The following EYS variants were observed in gnomAD, a reference collection of about 807,000 sequenced individuals.
The protein encoded by EYS is EGF-like photoreceptor maintenance factor.
In EYS, 250 loss-of-function variants were observed where a neutral mutation model predicts 282.1. The ratio of observed to expected loss-of-function variants is 0.89; its 90% CI spans 0.80 to 0.98. The LOEUF (loss-of-function observed/expected upper bound fraction) is 0.98, where lower values mean the gene tolerates loss of function less well. Ranked by LOEUF, EYS falls within the 50% of genes least tolerant of loss-of-function variation. EYS has a pLI of 0.00. For synonymous variants in EYS, 1,355 were observed against 1,282.9 expected (o/e 1.06, Z -1.20); for missense variants, 4,016 against 3,709.0 (o/e 1.08, Z -2.15).
At chr6:64,001,135 T>A (rs991756897) in intron 33 of EYS, among the ~76,000 whole-genome samples, 1 of 152,220 alleles carries the variant, frequency 6.6e-6, no homozygotes, top group Admixed American at 6.5e-5. Context: ...GGCTGAGTGA[T>A]CTTAGGCAAA....
chr6:65,586,972 T>C (rs1765071822), intron 2 of EYS, among the ~76,000 whole-genome samples: 1 of 152,074 alleles, frequency 6.6e-6, no homozygotes, highest in Non-Finnish European at 1.5e-5. Flanking sequence ...TCTAAATACA[T>C]GCTTTTATTT....
intron 26 of EYS, among the ~76,000 whole-genome samples, chr6:64,475,328 G>A (rs1397485374): frequency 1.4e-5 from 1 of 71,574 alleles, no homozygotes; most frequent in African/African-American, 4.2e-5. Flanking sequence ...GAGGCGGGCG[G>A]ATCACAAGGT....
chr6:64,320,165 G>C (rs1770159124), intron 29 of EYS, among the ~76,000 whole-genome samples: 1 of 151,942 alleles, frequency 6.6e-6, no homozygotes, highest in Non-Finnish European at 1.5e-5. Flanking sequence ...TTTGAGATGA[G>C]AAGTCAGTGA....
intron 33 of EYS, among the ~76,000 whole-genome samples, chr6:64,016,805 C>T (rs141214917): frequency 1.3e-5 from 2 of 152,176 alleles, no homozygotes; most frequent in African/African-American, 4.8e-5. Context: ...GGGTATTGTA[C>T]ATTTCTTATT....
At chr6:64,977,825 G>A (rs777213395) in intron 14 of EYS, among the ~76,000 whole-genome samples, 2 of 151,904 alleles carry the variant, frequency 1.3e-5, no homozygotes, top group African/African-American at 2.4e-5. Flanking sequence ...CCAGTTAGGC[G>A]AAACCCAATC....
At chr6:63,855,104 T>TA (rs920238648) in intron 36 of EYS, among the ~76,000 whole-genome samples, 1 of 152,222 alleles carries the variant, frequency 6.6e-6, no homozygotes, top group African/African-American at 2.4e-5. Context: ...CAGGAATTCT[T>TA]AGAGTTTTTA....
At chr6:64,861,067 G>C (rs191001382) in intron 19 of EYS, among the ~76,000 whole-genome samples, 3 of 152,310 alleles carry the variant, frequency 2.0e-5, no homozygotes, top group Admixed American at 2.0e-4. Context: ...TGGCTTAAAG[G>C]TGGGGCTTCA....
At chr6:64,397,306 G>C (rs1475413313) in intron 28 of EYS, among the ~76,000 whole-genome samples, 1 of 151,896 alleles carries the variant, frequency 6.6e-6, no homozygotes, top group African/African-American at 2.4e-5. Context: ...GTACTGCTCT[G>C]GTAAGATTTT....
intron 31 of EYS, among the ~76,000 whole-genome samples, chr6:64,175,693 G>A (rs906592938): frequency 6.6e-6 from 1 of 152,146 alleles, no homozygotes; most frequent in African/African-American, 2.4e-5. Flanking sequence ...ACCAGCACAG[G>A]ATGGGCATGA....
chr6:64,128,749 A>G (rs1198191808), intron 31 of EYS, among the ~76,000 whole-genome samples: 1 of 152,190 alleles, frequency 6.6e-6, no homozygotes, highest in Non-Finnish European at 1.5e-5. Context: ...TATTCATTCA[A>G]AAAGTATTTA....
At chr6:64,276,277 T>C (rs550867425) in intron 30 of EYS, among the ~76,000 whole-genome samples, 2 of 152,348 alleles carry the variant, frequency 1.3e-5, no homozygotes, top group African/African-American at 2.4e-5. Flanking sequence ...AGATACCTTC[T>C]ATAATTAGGT....
rs1169596654 is a variant in EYS at position 65,652,050 on chromosome 6, A to G, written c.-447-12158T>C. Among the ~76,000 whole-genome samples the G allele has an allele frequency of 3.9e-5, 6 of 151,996 alleles. No individual in the cohort carries two copies. The East Asian group carries it at 1.2e-3, about 29-fold the overall frequency. On this transcript the variant is annotated intron_variant, in intron 1 of 42. Transcript: ENST00000503581. Reference sequence around the variant, plus strand: ...AGCTCCATTTTTTTCTGATGTATGTAGAATTAAAATAAATAAAAGCAAAAC... The same window carrying G: ...AGCTCCATTTTTTTCTGATGTATGTGGAATTAAAATAAATAAAAGCAAAAC...
intron 24 of EYS, among the ~76,000 whole-genome samples, chr6:64,596,281 C>A (rs1032437044): frequency 2.0e-5 from 3 of 152,112 alleles, no homozygotes; most frequent in African/African-American, 4.8e-5. Context: ...TATGAATGAC[C>A]ATGCTATTCA....
chr6:65,342,115 A>C (rs531245095), intron 10 of EYS, among the ~76,000 whole-genome samples: 3 of 151,248 alleles, frequency 2.0e-5, no homozygotes, highest in East Asian at 3.9e-4. Context: ...AAAATACATA[A>C]ATACTGAGGT....
rs574258079 is a variant in EYS at position 64,707,118 on chromosome 6, CACACACACACACAT to C, written c.3444-80887_3444-80874del. ...AGATATATATGCATACACACACACA[CACACACACACACAT>C]ATATATATGTGTCATGGAATACAAC... On this transcript the variant is annotated intron_variant, in intron 22 of 42. Transcript: ENST00000503581. Among the ~76,000 whole-genome samples, 638 of 96,478 alleles carry C rather than the reference CACACACACACACAT, an allele frequency of 6.6e-3. 4 individuals carry two copies. The highest frequency in any genetic ancestry group is 9.0e-3 in the Non-Finnish European group (368 of 40,720). 63.3% of individuals were successfully genotyped at this position (96,478 alleles called of 152,430 possible). A position where few individuals can be genotyped will look rare whatever the true frequency, so the allele number is the denominator to read the frequency against.
At chr6:63,877,391 C>T (rs1009067365) in intron 35 of EYS, among the ~76,000 whole-genome samples, 8 of 152,140 alleles carry the variant, frequency 5.3e-5, no homozygotes, top group Non-Finnish European at 1.2e-4. Context: ...TTCTCTCTGG[C>T]CGCCCTTAAT....
intron 36 of EYS, among the ~76,000 whole-genome samples, 167 bp downstream of exon 36, chr6:63,864,019 G>A (rs1455380996): frequency 6.6e-6 from 1 of 152,098 alleles, no homozygotes; most frequent in Non-Finnish European, 1.5e-5. Context: ...TACCTGCTTG[G>A]TGATCAGTCT....
intron 29 of EYS, among the ~76,000 whole-genome samples, chr6:64,319,520 A>G (rs976344983): frequency 6.6e-6 from 1 of 152,058 alleles, no homozygotes; most frequent in African/African-American, 2.4e-5. Context: ...TTACTTGTAC[A>G]TGCTCTCGAT....
chr6:65,576,009 CAATT>C (rs1764652446), intron 2 of EYS, among the ~76,000 whole-genome samples: 2 of 151,940 alleles, frequency 1.3e-5, no homozygotes, highest in Admixed American at 1.3e-4. Flanking sequence ...TTCTAGCAAA[CAATT>C]AACACCAATT....
Sources: gnomAD v4.1 joint callset for allele counts (sites outside exome capture counted in the v4.1 genomes callset) on GRCh38, gnomAD v4.1.1 for gene constraint, MANE v1.5 for transcripts, NCBI Gene and HGNC (gene_info 2026-07-23, HGNC 2026-07-21) for gene names.